NEB: variants seen among roughly 807,000 people sequenced by gnomAD.
NEB encodes nebulin, also known as nemaline myopathy type 2.
NEB carries 512 observed loss-of-function variants against 952.2 expected under a neutral mutation model. That is an observed-to-expected ratio of 0.54 (90% CI 0.50 to 0.58). NEB has a LOEUF of 0.58. Among genes scored for constraint, NEB ranks in the 20% least tolerant of loss-of-function variants. NEB has a pLI of 0.00. For missense variants in NEB, 8,428 were observed against 9,231.1 expected (o/e 0.91, Z 3.56); for synonymous variants, 2,900 against 3,149.8 (o/e 0.92, Z 2.66).
chr2:151,720,928 T>C (rs996669658), intron 9 of NEB, among the ~76,000 whole-genome samples: 4 of 152,324 alleles, frequency 2.6e-5, no homozygotes, highest in Non-Finnish European at 4.4e-5. Context: ...AACTTTCTAA[T>C]TTATCCATAG....
intron 52 of NEB, among the ~76,000 whole-genome samples, chr2:151,652,332 C>T (rs191861842): frequency 3.9e-5 from 6 of 152,118 alleles, no homozygotes; most frequent in African/African-American, 1.2e-4. Context: ...CTCAAGTGAT[C>T]CTCCCACCTC....
At chr2:151,686,053 T>C (rs2099495802) in intron 27 of NEB, among the ~76,000 whole-genome samples, 2 of 152,254 alleles carry the variant, frequency 1.3e-5, no homozygotes, top group African/African-American at 2.4e-5. Flanking sequence ...AACTTTGTGA[T>C]AGTTTGCAAC....
At chr2:151,673,921 T>C (rs1372745334) in intron 36 of NEB, among the ~76,000 whole-genome samples, 1 of 151,910 alleles carries the variant, frequency 6.6e-6, no homozygotes, top group Non-Finnish European at 1.5e-5. Flanking sequence ...TCCGCTCTTC[T>C]GAAATTTTGG....
chr2:151,567,088 C>T lies in NEB; in HGVS notation c.18156+80G>A, dbSNP rs1053396016. On this transcript the variant is annotated intron_variant, in intron 114 of 181. Coordinates refer to ENST00000397345, the MANE Select transcript of NEB (RefSeq NM_001164508.2). Reference sequence around the variant, plus strand: ...TATCGATGGCCTCAAATTTCAAGCACTTGTGGATCTGGGATGTTGCTCATC... The same window carrying T: ...TATCGATGGCCTCAAATTTCAAGCATTTGTGGATCTGGGATGTTGCTCATC... 20 of 1,267,694 alleles carry T rather than the reference C, an allele frequency of 1.6e-5. No homozygotes were observed. The African/African-American group carries it at 2.5e-4, about 16-fold the overall frequency. 78.5% of individuals were successfully genotyped at this position (1,267,694 alleles called of 1,614,324 possible).
At chr2:151,539,470 A>G (rs561402352) in intron 138 of NEB, among the ~76,000 whole-genome samples, 2 of 152,148 alleles carry the variant, frequency 1.3e-5, no homozygotes, top group Non-Finnish European at 2.9e-5. Context: ...GCTTACTGCA[A>G]TTACCTTAAG....
intron 36 of NEB, 37 bp from the exon 37 acceptor site, chr2:151,672,717 A>T (rs990588847): frequency 6.6e-7 from 1 of 1,523,762 alleles, no homozygotes; most frequent in East Asian, 2.3e-5. Context: ...AGTCCTAGGC[A>T]TTGATAGCAT....
chr2:151,642,184 T>C (rs1433653449), intron 60 of NEB, among the ~76,000 whole-genome samples: 5 of 152,226 alleles, frequency 3.3e-5, no homozygotes, highest in African/African-American at 1.2e-4. Context: ...CTTTGAGTAA[T>C]GTGTCCTATA....
intron 171 of NEB, 39 bp downstream of exon 171, chr2:151,497,587 C>A (rs1427838073): frequency 6.5e-7 from 1 of 1,541,398 alleles, no homozygotes; most frequent in East Asian, 2.4e-5. Context: ...TTTTCAAAAT[C>A]ATTAAATAAG....
At chr2:151,716,656 TTCATCATTCTTC>T (rs2099760110) in intron 10 of NEB, among the ~76,000 whole-genome samples, 1 of 152,114 alleles carries the variant, frequency 6.6e-6, no homozygotes, top group African/African-American at 2.4e-5. Context: ...TCCATATCAT[TTCATCATTCTTC>T]TCTACTAGAT....
At chr2:151,556,673 A>AT (rs770054526) in intron 124 of NEB, among the ~76,000 whole-genome samples, 3 of 152,190 alleles carry the variant, frequency 2.0e-5, no homozygotes, top group Non-Finnish European at 4.4e-5. Context: ...TATCCTAAAT[A>AT]TATACACACC....
chr2:151,680,262 G>GA (rs1204279221), intron 30 of NEB, among the ~76,000 whole-genome samples: 8 of 152,064 alleles, frequency 5.3e-5, no homozygotes, highest in African/African-American at 1.9e-4. Flanking sequence ...CTTGCAGTAG[G>GA]AACCTCTGGG....
chr2:151,694,739 CT>C (rs2099583586), intron 18 of NEB, 110 bp from the exon 19 acceptor site: 1 of 803,380 alleles, frequency 1.2e-6, no homozygotes, highest in Non-Finnish European at 2.0e-6. Context: ...TAAATGGGCC[CT>C]TTTTATTGTC....
rs1208501800 is a variant in NEB, at chr2:151,575,742, T to A, written c.16966A>T (p.Thr5656Ser). ...DKTSIHIMPD[T>S]PEINLARANA... ...GCTCTAGCGAGATTAATTTCTGGAG[T>A]ATCTGGCATTATGTGTATTGAAGTT... Residue 5656 changes from threonine (T) to serine (S), a missense_variant, in exon 107 of 182, where the codon ACT (threonine) becomes TCT (serine). By Grantham distance (58) the Thr-to-Ser change is moderately conservative. Around this residue, in one of 11 missense-constraint regions of NEB, gnomAD observed 3,374 missense variants for 3,651.5 expected, o/e 0.92. Coordinates refer to ENST00000397345, the MANE Select transcript of NEB (RefSeq NM_001164508.2). The A allele has an allele frequency of 6.8e-6, 11 of 1,611,146 alleles. No homozygotes were observed. In the South Asian group the frequency reaches 1.2e-4, roughly 18 times the overall value.
intron 55 of NEB, 56 bp downstream of exon 55, chr2:151,646,074 T>C (rs1192381028): frequency 2.6e-5 from 34 of 1,323,208 alleles, no homozygotes; most frequent in Non-Finnish European, 3.2e-5. Context: ...ATTTCACTGA[T>C]TTAGAAACAA....
chr2:151,490,456 C>A lies in NEB; in HGVS notation c.25213G>T (p.Gly8405Cys). The A allele has an allele frequency of 1.2e-6, 2 of 1,607,286 alleles. No individual in the cohort carries two copies. Among genetic ancestry groups the A allele is most frequent in the Non-Finnish European group, 8.5e-7 (1 of 1,176,972 alleles). The change falls in exon 180 of 182, where the codon GGT becomes TGT. Residue 8405 changes from glycine (G) to cysteine (C), a missense_variant. Coordinates refer to ENST00000397345, the MANE Select transcript of NEB (RefSeq NM_001164508.2). ...TCTGAATGCTCAGACTTCTCCTCAC[C>A]CCCACTGATGCTTAGTGCACTGGCA... ...RSASALSISG[G>C]EEKSEHSEAP...
rs4664500 is a variant in NEB at position 151,728,878 on chromosome 2, G to T, written c.78+737C>A. ...CATCATTGCTAATAGGTTGTTTTCT[G>T]CCCATGATTACCTAGGCATGGTTGA... On this transcript the variant is annotated intron_variant, in intron 4 of 181. Coordinates refer to ENST00000397345, the MANE Select transcript of NEB (RefSeq NM_001164508.2). Among the ~76,000 whole-genome samples, 499 of 152,206 alleles carry T rather than the reference G, an allele frequency of 3.3e-3. 1 individual carries two copies. Among genetic ancestry groups the T allele is most frequent in the Non-Finnish European group, 5.4e-3 (369 of 67,994 alleles).
intron 52 of NEB, among the ~76,000 whole-genome samples, chr2:151,652,965 A>T (rs2099047151): frequency 6.6e-6 from 1 of 152,182 alleles, no homozygotes; most frequent in South Asian, 2.1e-4. Flanking sequence ...TTAATAAGGG[A>T]TTGACCTGCA....
intron 64 of NEB, among the ~76,000 whole-genome samples, chr2:151,634,486 A>T (rs1267435124): frequency 6.6e-6 from 1 of 151,946 alleles, no homozygotes; most frequent in African/African-American, 2.4e-5. Flanking sequence ...TACTAAAAAT[A>T]AAAAAATAAG....
chr2:151,492,163 C>A lies in NEB; in HGVS notation c.24992G>T (p.Gly8331Val). ...CATTTCTACCACTTTCCTCTGAATA[C>A]CTCGGTAGTTAATGTCACTGAAGTC... is the stretch of plus-strand genomic sequence containing the variant. ...MQDFSDINYR[G>V]IQRKVVEMEQ... The change falls in exon 178 of 182, where the codon GGT (glycine) becomes GTT (valine). Residue 8331 changes from glycine (G) to valine (V), a missense_variant. Transcript: ENST00000397345. 1 of 1,613,890 alleles carries A rather than the reference C, an allele frequency of 6.2e-7. No homozygotes were observed. Among genetic ancestry groups the A allele is most frequent in the Non-Finnish European group, 8.5e-7 (1 of 1,179,858 alleles).
Sources: gnomAD v4.1 joint callset for allele counts (sites outside exome capture counted in the v4.1 genomes callset) on GRCh38, gnomAD v4.1.1 for gene constraint, gnomAD v4.1.1 regional missense constraint, MANE v1.5 for transcripts, NCBI Gene and HGNC (gene_info 2026-07-23, HGNC 2026-07-21) for gene names.